The following C10orf90 variants were observed in gnomAD, a reference collection of about 807,000 sequenced individuals.
C10orf90 encodes (E2-independent) E3 ubiquitin-conjugating enzyme FATS.
C10orf90 carries 56 observed loss-of-function variants against 62.5 expected under a neutral mutation model. The ratio of observed to expected loss-of-function variants is 0.90; its 90% CI spans 0.72 to 1.12. The LOEUF is 1.12. Ranked by LOEUF, C10orf90 falls within the 50% of genes most tolerant of loss-of-function variation. The probability of loss-of-function intolerance (pLI) is 0.00; values close to 1 mark genes in which losing one functional copy is unlikely to be tolerated. For synonymous variants in C10orf90, 386 were observed against 340.4 expected, an observed-to-expected ratio of 1.13 and a Z score of -1.47; for missense variants, 970 against 880.4, an observed-to-expected ratio of 1.10 and a Z score of -1.29.
intron 2 of C10orf90, among the ~76,000 whole-genome samples, chr10:126,605,374 C>T (rs1260853379): frequency 1.3e-5 from 2 of 152,220 alleles, no homozygotes; most frequent in Non-Finnish European, 2.9e-5. Context: ...GGGGAGCAGG[C>T]AGGGGCCAAA....
chr10:126,660,508 A>G (rs1846488231), intron 1 of C10orf90, among the ~76,000 whole-genome samples: 1 of 152,236 alleles, frequency 6.6e-6, no homozygotes, highest in Non-Finnish European at 1.5e-5. Flanking sequence ...CAGTAAGAAA[A>G]TGGGGACTTC....
chr10:126,493,187 CA>C (rs765081806), intron 4 of C10orf90, among the ~76,000 whole-genome samples: 14 of 146,376 alleles, frequency 9.6e-5, no homozygotes, highest in Non-Finnish European at 1.7e-4. Flanking sequence ...GGAAATGAAA[CA>C]AAACAAAGAA....
At chr10:126,519,663 C>T (rs1315243660) in intron 2 of C10orf90, among the ~76,000 whole-genome samples, 1 of 152,226 alleles carries the variant, frequency 6.6e-6, no homozygotes, top group African/African-American at 2.4e-5. Flanking sequence ...CAGAGAGAAT[C>T]ACTTTTCAGC....
At chr10:126,623,715 C>A (rs974484930) in intron 2 of C10orf90, among the ~76,000 whole-genome samples, 1 of 151,822 alleles carries the variant, frequency 6.6e-6, no homozygotes, top group Non-Finnish European at 1.5e-5. Context: ...GTGGTGGGCG[C>A]CTGTAATCTC....
intron 2 of C10orf90, among the ~76,000 whole-genome samples, chr10:126,595,578 G>A (rs1461567212): frequency 6.6e-6 from 1 of 152,140 alleles, no homozygotes; most frequent in Non-Finnish European, 1.5e-5. Context: ...GGAAGGTGTG[G>A]TACTCTAGGA....
At chr10:126,670,002 G>A (rs1846715085) in intron 1 of C10orf90, among the ~76,000 whole-genome samples, 1 of 152,156 alleles carries the variant, frequency 6.6e-6, no homozygotes, top group Admixed American at 6.5e-5. Context: ...GTTTGTAAAT[G>A]CAGACATGTG....
chr10:126,662,712 TCC>T (rs1564914813), intron 1 of C10orf90, among the ~76,000 whole-genome samples: 1 of 152,134 alleles, frequency 6.6e-6, no homozygotes, highest in Non-Finnish European at 1.5e-5. Flanking sequence ...CCCAGAGGTC[TCC>T]TCCATGCATT....
chr10:126,558,797 G>C (rs972635977), intron 2 of C10orf90, among the ~76,000 whole-genome samples: 1 of 152,240 alleles, frequency 6.6e-6, no homozygotes, highest in Non-Finnish European at 1.5e-5. Flanking sequence ...CCCAACCAGA[G>C]TTGGGCTCCC....
At chr10:126,550,248 G>A (rs112045916) in intron 2 of C10orf90, among the ~76,000 whole-genome samples, 2,081 of 152,202 alleles carry the variant, frequency 0.014, 62 homozygotes, top group African/African-American at 0.046. Context: ...GAGCCACCGC[G>A]CCTGGCTCCT....
intron 4 of C10orf90, among the ~76,000 whole-genome samples, chr10:126,472,805 C>T (rs116483095): frequency 0.017 from 2,583 of 152,208 alleles, 59 homozygotes; most frequent in African/African-American, 0.053. Context: ...TGGACATGTA[C>T]GTGCACGCAA....
intron 4 of C10orf90, among the ~76,000 whole-genome samples, chr10:126,475,520 G>A (rs560340439): frequency 7.9e-5 from 12 of 152,136 alleles, no homozygotes; most frequent in Non-Finnish European, 1.3e-4. Context: ...TAGCATGGCC[G>A]TCATTCTTGT....
chr10:126,477,265 C>A (rs1180505785), intron 4 of C10orf90, among the ~76,000 whole-genome samples: 2 of 150,554 alleles, frequency 1.3e-5, no homozygotes, highest in East Asian at 1.9e-4. Context: ...TTTCCCCAGA[C>A]CTTCTCCCCA....
rs1478313768 is a variant in C10orf90, at chr10:126,513,951, A to G, written c.314-12T>C. The G allele has an allele frequency of 1.3e-6, 2 of 1,574,784 alleles. No individual in the cohort carries two copies. The highest frequency in any genetic ancestry group is 2.7e-5 in the African/African-American group (2 of 74,040). On this transcript the variant is annotated splice_polypyrimidine_tract_variant and intron_variant, in intron 2 of 9. Transcript: ENST00000488181. ...GCTGTCCCGTAATCCTAGGCAAAAG[A>G]AGATAATATTGCTACTTTTTAGTAT...
At chr10:126,666,599 G>T (rs1245031246) in intron 1 of C10orf90, among the ~76,000 whole-genome samples, 1 of 152,140 alleles carries the variant, frequency 6.6e-6, no homozygotes, top group African/African-American at 2.4e-5. Flanking sequence ...TTCCTTGTTT[G>T]TCATTGCCAA....
chr10:126,593,258 C>T (rs939794754), intron 2 of C10orf90, among the ~76,000 whole-genome samples: 1 of 152,100 alleles, frequency 6.6e-6, no homozygotes, highest in Non-Finnish European at 1.5e-5. Context: ...GCGGCACTAT[C>T]CACAATAGCA....
At chr10:126,624,865 G>C (rs1845712313) in intron 2 of C10orf90, among the ~76,000 whole-genome samples, 1 of 152,154 alleles carries the variant, frequency 6.6e-6, no homozygotes, top group African/African-American at 2.4e-5. Context: ...AGCAGGTTAA[G>C]GCCTACACAG....
chr10:126,599,248 G>A (rs1037361557), intron 2 of C10orf90, among the ~76,000 whole-genome samples: 1 of 150,976 alleles, frequency 6.6e-6, no homozygotes, highest in African/African-American at 2.4e-5. Context: ...GCAGTGGCGG[G>A]GATCTCAGCT....
intron 2 of C10orf90, among the ~76,000 whole-genome samples, chr10:126,539,660 T>C (rs1591081184): frequency 6.6e-6 from 1 of 152,240 alleles, no homozygotes. Flanking sequence ...ATAATACTTA[T>C]TTTGTGATTT....
At chr10:126,509,069 A>G (rs1862939941) in intron 3 of C10orf90, among the ~76,000 whole-genome samples, 1 of 152,206 alleles carries the variant, frequency 6.6e-6, no homozygotes, top group Non-Finnish European at 1.5e-5. Context: ...AAGGACCTAG[A>G]GGCCCAGAGG....
Sources: allele counts gnomAD v4.1 joint callset (sites outside exome capture counted in the v4.1 genomes callset), GRCh38; gene constraint gnomAD v4.1.1; transcripts MANE v1.5; gene names NCBI Gene and HGNC (gene_info 2026-07-23, HGNC 2026-07-21).